GRIK4: variants seen among roughly 807,000 people sequenced by gnomAD.
GRIK4 encodes the protein glutamate ionotropic receptor kainate type subunit 4, also known as glutamate receptor ionotropic, kainate 4.
Under a neutral mutation model 104.9 loss-of-function variants are expected in GRIK4, and 40 were observed. The observed-to-expected ratio is 0.38, with a 90% CI of 0.30 to 0.50. The LOEUF (loss-of-function observed/expected upper bound fraction) is 0.50, where lower values mean the gene tolerates loss of function less well. Ranked by LOEUF, GRIK4 falls within the 20% of genes least tolerant of loss-of-function variation. GRIK4 has a pLI of 0.93. For synonymous variants in GRIK4, 485 were observed against 524.9 expected (o/e 0.92, Z 1.04); for missense variants, 1,047 against 1,308.1 (o/e 0.80, Z 3.08).
At chr11:120,961,679 C>T (rs1173993313) in intron 17 of GRIK4, among the ~76,000 whole-genome samples, 1 of 152,228 alleles carries the variant, frequency 6.6e-6, no homozygotes, top group African/African-American at 2.4e-5. Flanking sequence ...GTCAAGCAAA[C>T]TGATTGATCG....
At chr11:120,684,318 G>A (rs1950242355) in intron 3 of GRIK4, among the ~76,000 whole-genome samples, 1 of 152,170 alleles carries the variant, frequency 6.6e-6, no homozygotes, top group Admixed American at 6.5e-5. Flanking sequence ...GCAAGAGCCA[G>A]TTTCTAAGAA....
In GRIK4 at chr11:120,555,293, C is replaced by T. The variant is rs1251032565; in HGVS notation, c.-159+43406C>T. On this transcript the variant is annotated intron_variant, in intron 1 of 20. Coordinates refer to ENST00000527524, the MANE Select transcript of GRIK4 (RefSeq NM_014619.5). The surrounding 1 kb of genome is among the most constrained non-coding windows in gnomAD (Gnocchi z 5.3). ...CCTGTTTATGCATTAGGTCTGGGAGCTCTCATTACTGGCTGGTGAACCAGA... is the reference window on the plus strand; with the variant it reads ...CCTGTTTATGCATTAGGTCTGGGAGTTCTCATTACTGGCTGGTGAACCAGA... Among the ~76,000 whole-genome samples, 1 of 152,190 alleles carries T rather than the reference C, an allele frequency of 6.6e-6. No homozygotes were observed. The highest frequency in any genetic ancestry group is 1.5e-5 in the Non-Finnish European group (1 of 68,032).
At chr11:120,961,170 A>C in intron 17 of GRIK4, 96 bp downstream of exon 17, 45 of 1,112,716 alleles carry the variant, frequency 4.0e-5, no homozygotes, top group Non-Finnish European at 5.7e-5. Context: ...TCCGCATCTC[A>C]TTATCTCTTT....
At chr11:120,845,012 G>A (rs1953816452) in intron 8 of GRIK4, among the ~76,000 whole-genome samples, 2 of 152,172 alleles carry the variant, frequency 1.3e-5, no homozygotes, top group Admixed American at 6.5e-5. Context: ...CCTTGATCAT[G>A]TGGTGTCTTC....
At chr11:120,875,411 T>C (rs561036684) in intron 11 of GRIK4, among the ~76,000 whole-genome samples, 168 bp downstream of exon 11, 31 of 152,216 alleles carry the variant, frequency 2.0e-4, no homozygotes, top group African/African-American at 7.5e-4. Flanking sequence ...TGCCACCAGA[T>C]CAGCCATTGT....
In GRIK4 at chr11:120,905,493, G is replaced by A. The variant is rs1445152883; in HGVS notation, c.1476G>A (p.Arg492=). ...GAATGGTCGGGGAGCTGATCGCTAG[G>A]GTAAGGAGAGGACAAGTGATCTGGG... ...WTGMVGELIA[R]KADLAVAGLT... is the part of the protein sequence containing the mutation. Residue 492 remains arginine (R), a splice_region_variant and synonymous_variant, in exon 13 of 21, where the codon AGG becomes AGA. Transcript: ENST00000527524. The surrounding 1 kb of genome is among the most constrained non-coding windows in gnomAD (Gnocchi z 5.1). The A allele has an allele frequency of 6.8e-7, 1 of 1,460,498 alleles. No homozygotes were observed. The highest frequency in any genetic ancestry group is 2.7e-5 in the East Asian group (1 of 36,944). The allele number at this position is 1,460,498 out of a possible 1,614,324, so 90.5% of individuals were successfully genotyped here.
intron 3 of GRIK4, among the ~76,000 whole-genome samples, chr11:120,783,213 C>A (rs954614592): frequency 3.9e-5 from 6 of 152,216 alleles, no homozygotes; most frequent in African/African-American, 1.4e-4. Flanking sequence ...CCTCTCTGTG[C>A]CTACGGTTAG....
intron 19 of GRIK4, among the ~76,000 whole-genome samples, chr11:120,980,122 C>G (rs1211490434): frequency 6.6e-6 from 1 of 152,200 alleles, no homozygotes; most frequent in Admixed American, 6.5e-5. Flanking sequence ...AGGCATGCAC[C>G]ACTGCATCCA....
intron 3 of GRIK4, among the ~76,000 whole-genome samples, chr11:120,789,252 A>G (rs1952349074): frequency 6.6e-6 from 1 of 152,134 alleles, no homozygotes; most frequent in Middle Eastern, 3.4e-3. Context: ...TAAATACTAC[A>G]CCAAAATCAT....
chr11:120,835,208 A>G (rs1031113146), intron 7 of GRIK4, among the ~76,000 whole-genome samples: 1 of 152,172 alleles, frequency 6.6e-6, no homozygotes, highest in African/African-American at 2.4e-5. Flanking sequence ...CCTGCTCCTC[A>G]GGGAGCCTGC....
chr11:120,686,111 A>C (rs1185289181), intron 3 of GRIK4, among the ~76,000 whole-genome samples: 2 of 152,138 alleles, frequency 1.3e-5, no homozygotes, highest in African/African-American at 4.8e-5. Context: ...AAATGGGATA[A>C]TGTATGTAAA....
intron 3 of GRIK4, among the ~76,000 whole-genome samples, chr11:120,674,240 G>A (rs1043424331): frequency 2.0e-5 from 3 of 152,142 alleles, no homozygotes; most frequent in Admixed American, 2.0e-4. Flanking sequence ...TCAGAAGCAG[G>A]CACTCTTTTC....
intron 3 of GRIK4, among the ~76,000 whole-genome samples, chr11:120,663,548 A>G (rs547898162): frequency 6.6e-6 from 1 of 152,300 alleles, no homozygotes; most frequent in South Asian, 2.1e-4. Context: ...ACATTAGCAA[A>G]TGTGTTACCC....
At chr11:120,621,805 G>A (rs1949192976) in intron 1 of GRIK4, among the ~76,000 whole-genome samples, 1 of 152,210 alleles carries the variant, frequency 6.6e-6, no homozygotes, top group South Asian at 2.1e-4. Flanking sequence ...CTCAGCTGCA[G>A]CGGCAGTACA....
At chr11:120,708,950 C>A (rs1237045145) in intron 3 of GRIK4, among the ~76,000 whole-genome samples, 1 of 152,176 alleles carries the variant, frequency 6.6e-6, no homozygotes, top group African/African-American at 2.4e-5. Flanking sequence ...AAAGGCAGGG[C>A]AGTAACCTTT....
Position 120,836,827 on chromosome 11 carries a change from T to C in GRIK4, c.727T>C (p.Tyr243His). ...TGGGATGGTGTCAGCCTATTACACA[T>C]ACATCTTCACTAATCTGGTAAGATG... ...ELGMVSAYYT[Y>H]IFTNLEFSLQ... Residue 243 changes from tyrosine to histidine, a missense_variant, in exon 8 of 21, where the codon TAC becomes CAC. By Grantham distance (83) the Tyr-to-His change is moderately conservative (BLOSUM62 2). This residue lies in a region of GRIK4 where 447 missense variants were observed against 514.9 expected (regional missense o/e 0.87). Coordinates refer to ENST00000527524, the MANE Select transcript of GRIK4 (RefSeq NM_014619.5). 1.3e-6 allele frequency: 2 copies of C among 1,597,996 alleles called. No homozygotes were observed. The highest frequency in any genetic ancestry group is 1.7e-6 in the Non-Finnish European group (2 of 1,165,210).
chr11:120,962,685 T>C lies in GRIK4; in HGVS notation c.2266+4T>C. 1 of 1,602,944 alleles carries C rather than the reference T, an allele frequency of 6.2e-7. No homozygotes were observed. Among genetic ancestry groups the C allele is most frequent in the Non-Finnish European group, 8.5e-7 (1 of 1,169,894 alleles). Reference sequence around the variant, plus strand: ...TATGGGATTGGCATGCCAGTCGGTATGCGGGAGAGGAACAGCCTCTTTGGG... The same window carrying C: ...TATGGGATTGGCATGCCAGTCGGTACGCGGGAGAGGAACAGCCTCTTTGGG... On this transcript the variant is annotated splice_donor_region_variant and intron_variant, in intron 18 of 20. Transcript: ENST00000527524.
chr11:120,776,012 C>G (rs1283247486), intron 3 of GRIK4, among the ~76,000 whole-genome samples: 1 of 152,210 alleles, frequency 6.6e-6, no homozygotes, highest in Non-Finnish European at 1.5e-5. Flanking sequence ...GAAGGCATCT[C>G]TCAGTTTGAC....
At chr11:120,934,411 T>C (rs1217617675) in intron 13 of GRIK4, among the ~76,000 whole-genome samples, 2 of 151,692 alleles carry the variant, frequency 1.3e-5, no homozygotes, top group Non-Finnish European at 2.9e-5. Context: ...AAGCCCGGAG[T>C]GGGAGCAGGG....
Sources: gnomAD v4.1 joint callset for allele counts (sites outside exome capture counted in the v4.1 genomes callset) on GRCh38, gnomAD v4.1.1 for gene constraint, gnomAD v4.1.1 regional missense constraint, Gnocchi (gnomAD v3.1) non-coding constraint, MANE v1.5 for transcripts, NCBI Gene and HGNC (gene_info 2026-07-23, HGNC 2026-07-21) for gene names.